Variants in RFX2 observed in about 807,000 individuals in gnomAD.
The protein encoded by RFX2 is regulatory factor X2.
A neutral mutation model predicts 87.8 loss-of-function variants in RFX2; 20 were observed. The observed-to-expected ratio is 0.23, with a 90% CI of 0.16 to 0.33. The LOEUF is 0.33. Among genes scored for constraint, RFX2 ranks in the 10% least tolerant of loss-of-function variants. RFX2 has a pLI of 1.00. For missense variants in RFX2, 767 were observed against 1,012.3 expected (o/e 0.76, Z 3.29); for synonymous variants, 397 against 431.3 (o/e 0.92, Z 0.98).
Position 6,002,624 on chromosome 19 carries a change from A to G in RFX2, c.1650+97T>C, listed in dbSNP as rs2086506950. ...ACAGAACCGTGGCCAGGCTCGGGGC[A>G]GGGGCCAGGTTGTGCCACGGGCTCC... On this transcript the variant is annotated intron_variant, in intron 14 of 17. Transcript: ENST00000303657. This position sits in a 1 kb window ranked among gnomAD's most constrained non-coding sequence, Gnocchi z 6.7. The G allele has an allele frequency of 1.4e-6, 2 of 1,467,712 alleles. No individual in the cohort carries two copies. Among genetic ancestry groups the G allele is most frequent in the South Asian group, 2.5e-5 (2 of 81,202 alleles). 90.9% of individuals were successfully genotyped at this position (1,467,712 alleles called of 1,614,324 possible).
In RFX2 at chr19:5,993,943, G is replaced by A. The variant is rs1315686287; in HGVS notation, c.*892C>T. On this transcript the variant is annotated 3_prime_UTR_variant, in exon 18 of 18. Transcript: ENST00000303657. ...CGGGATGGCTGCTTTCTGAAGTTGTGGCTGTGACACTGACCCTGTTGGACA... is the reference window on the plus strand; with the variant it reads ...CGGGATGGCTGCTTTCTGAAGTTGTAGCTGTGACACTGACCCTGTTGGACA... 6.6e-6 allele frequency: 1 copy of A among 152,264 alleles called. No homozygotes were observed. The highest frequency in any genetic ancestry group is 1.9e-4 in the East Asian group (1 of 5,198). The allele number at this position is 152,264 out of a possible 1,614,324, so 9.4% of individuals were successfully genotyped here. A position where few individuals can be genotyped will look rare whatever the true frequency, so the allele number is the denominator to read the frequency against.
chr19:6,036,431 G>T (rs1266389543), intron 5 of RFX2, among the ~76,000 whole-genome samples: 1 of 152,144 alleles, frequency 6.6e-6, no homozygotes, highest in South Asian at 2.1e-4. Flanking sequence ...GAAGAGAGAG[G>T]ACAGCAAGAT....
chr19:6,016,503 C>T lies in RFX2; in HGVS notation c.598-232G>A, dbSNP rs1288034719. Among the ~76,000 whole-genome samples the T allele has an allele frequency of 6.6e-6, 1 of 152,162 alleles. No homozygotes were observed. Among genetic ancestry groups the T allele is most frequent in the Non-Finnish European group, 1.5e-5 (1 of 68,030 alleles). On this transcript the variant is annotated intron_variant, in intron 6 of 17. Coordinates refer to ENST00000303657, the MANE Select transcript of RFX2 (RefSeq NM_000635.4). This position sits in a 1 kb window ranked among gnomAD's most constrained non-coding sequence, Gnocchi z 5.4. ...TCTCCTGGGTTCAAGCAATTTTCCT[C>T]CCTCAGCCTCCCAGGTAGCTGGGAT... is the stretch of plus-strand genomic sequence containing the variant.
chr19:6,108,244 G>A (rs1158256942), intron 1 of RFX2, among the ~76,000 whole-genome samples: 2 of 152,164 alleles, frequency 1.3e-5, no homozygotes, highest in African/African-American at 2.4e-5. Flanking sequence ...TTTTCCTAGG[G>A]AGGTTACCAT....
rs2086806670 is a variant in RFX2 at position 6,021,204 on chromosome 19, G to A, written c.598-4933C>T. On this transcript the variant is annotated intron_variant, in intron 6 of 17. Coordinates refer to ENST00000303657, the MANE Select transcript of RFX2 (RefSeq NM_000635.4). The surrounding 1 kb of genome is among the most constrained non-coding windows in gnomAD (Gnocchi z 5.7). The stretch of plus-strand genomic sequence containing the variant: ...GGGCAGCTATTCCAACCGTCCAGGT[G>A]TGCCCTGTGTTGACATAATCCGACT... Among the ~76,000 whole-genome samples, 1 of 152,228 alleles carries A rather than the reference G, an allele frequency of 6.6e-6. No individual in the cohort carries two copies. Among genetic ancestry groups the A allele is most frequent in the African/African-American group, 2.4e-5 (1 of 41,452 alleles).
chr19:6,084,769 G>A (rs1377990923), intron 1 of RFX2, among the ~76,000 whole-genome samples: 1 of 151,958 alleles, frequency 6.6e-6, no homozygotes, highest in African/African-American at 2.4e-5. Context: ...CAAGTAGCTG[G>A]GATTACAGGT....
intron 16 of RFX2, 99 bp from the exon 17 acceptor site, chr19:5,995,742 C>G: frequency 9.7e-7 from 1 of 1,034,792 alleles, no homozygotes; most frequent in Non-Finnish European, 1.5e-6. Flanking sequence ...TGAGCCACGT[C>G]CTCCATTCAC....
rs2144779666 is a variant in RFX2 at position 6,047,481 on chromosome 19, C to T, written c.16G>A (p.Gly6Ser). 6.2e-7 allele frequency: 1 copy of T among 1,608,726 alleles called. No homozygotes were observed. Among genetic ancestry groups the T allele is most frequent in the African/African-American group, 1.3e-5 (1 of 74,984 alleles). The change falls in exon 2 of 18, where the codon GGT becomes AGT. Residue 6 changes from glycine to serine, a missense_variant. Transcript: ENST00000303657. The surrounding 1 kb of genome is among the most constrained non-coding windows in gnomAD (Gnocchi z 4.2). MQNSE[G>S]GADSPASVAL... ...ACGGACGCTGGCGAATCCGCTCCAC[C>T]CTCGGAATTCTGCATGCTCAGGTCT...
rs1456641888 is a variant in RFX2, at chr19:5,998,601, C to A, written c.1860-1388G>T. On this transcript the variant is annotated intron_variant, in intron 15 of 17. Coordinates refer to ENST00000303657, the MANE Select transcript of RFX2 (RefSeq NM_000635.4). This position sits in a 1 kb window ranked among gnomAD's most constrained non-coding sequence, Gnocchi z 4.2. ...CAAAGCCCCCAGCCCCCTCCTGTTC[C>A]TCCGGGCCCACCCAGGTTGGCTTCC... Among the ~76,000 whole-genome samples, 1 of 152,226 alleles carries A rather than the reference C, an allele frequency of 6.6e-6. No homozygotes were observed. The highest frequency in any genetic ancestry group is 1.5e-5 in the Non-Finnish European group (1 of 68,044).
At position 6,044,421 on chromosome 19, in the gene RFX2, G is replaced by A; in HGVS notation, c.91-139C>T. The A allele has an allele frequency of 2.0e-6, 1 of 506,550 alleles. No individual in the cohort carries two copies. Among genetic ancestry groups the A allele is most frequent in the Non-Finnish European group, 3.3e-6 (1 of 303,016 alleles). The allele number at this position is 506,550 out of a possible 1,614,324, so 31.4% of individuals were successfully genotyped here. On this transcript the variant is annotated intron_variant, in intron 2 of 17. Coordinates refer to ENST00000303657, the MANE Select transcript of RFX2 (RefSeq NM_000635.4). This position sits in a 1 kb window ranked among gnomAD's most constrained non-coding sequence, Gnocchi z 5.3. ...CAGGACTGATCAGAGGCGACGGCGG[G>A]GTGATGGTCAGACTTGCACACTCAC...
At chr19:6,080,048 C>T (rs2144856249) in intron 1 of RFX2, among the ~76,000 whole-genome samples, 1 of 151,820 alleles carries the variant, frequency 6.6e-6, no homozygotes, top group Non-Finnish European at 1.5e-5. Context: ...TCTGAGGATT[C>T]TGTTTTTTTA....
intron 1 of RFX2, among the ~76,000 whole-genome samples, chr19:6,057,935 C>T (rs2087368538): frequency 6.6e-6 from 1 of 152,194 alleles, no homozygotes; most frequent in Non-Finnish European, 1.5e-5. Flanking sequence ...CCTCACTGTT[C>T]AGGCTTGTGT....
At chr19:6,031,423 C>CTTTTTTTTTTTTTTTTTTTTT (rs58834364) in intron 5 of RFX2, among the ~76,000 whole-genome samples, 2 of 90,186 alleles carry the variant, frequency 2.2e-5, no homozygotes, top group Non-Finnish European at 2.0e-5. Flanking sequence ...TTCTCCTTCC[C>CTTTTTTTTTTTTTTTTTTTTT]TTTTTTTTTT....
Position 5,998,975 on chromosome 19 carries a change from A to G in RFX2, c.1860-1762T>C, listed in dbSNP as rs560173717. On this transcript the variant is annotated intron_variant, in intron 15 of 17. Transcript: ENST00000303657. The surrounding 1 kb of genome is among the most constrained non-coding windows in gnomAD (Gnocchi z 4.2). ...TGCACGTGCATAAGAATGAAGTCAG[A>G]CCAGGCGTGGTGGCTCATGACTGGA... Among the ~76,000 whole-genome samples, 20 of 152,302 alleles carry G rather than the reference A, an allele frequency of 1.3e-4. No homozygotes were observed. The highest frequency in any genetic ancestry group is 1.3e-3 in the Admixed American group (20 of 15,288).
rs1388756875 is a variant in RFX2, at chr19:6,001,769, A to T, written c.1859+46T>A. Reference sequence around the variant, plus strand: ...CCTACCCTCTAGAAGTTTCTCTCAGAGCCCCCCACCCGCCAGAATTCTCTC... The same window carrying T: ...CCTACCCTCTAGAAGTTTCTCTCAGTGCCCCCCACCCGCCAGAATTCTCTC... On this transcript the variant is annotated intron_variant, in intron 15 of 17. Coordinates refer to ENST00000303657, the MANE Select transcript of RFX2 (RefSeq NM_000635.4). This position sits in a 1 kb window ranked among gnomAD's most constrained non-coding sequence, Gnocchi z 5.6. The T allele has an allele frequency of 6.6e-7, 1 of 1,513,036 alleles. No individual in the cohort carries two copies. The highest frequency in any genetic ancestry group is 9.0e-7 in the Non-Finnish European group (1 of 1,115,522). 93.7% of individuals were successfully genotyped at this position (1,513,036 alleles called of 1,614,324 possible). A position where few individuals can be genotyped will look rare whatever the true frequency, so the allele number is the denominator to read the frequency against.
At chr19:6,093,351 A>G (rs1163084842) in intron 1 of RFX2, among the ~76,000 whole-genome samples, 1 of 152,186 alleles carries the variant, frequency 6.6e-6, no homozygotes, top group Non-Finnish European at 1.5e-5. Flanking sequence ...CCTGGCCAAC[A>G]TGGTGAAACC....
chr19:6,066,755 G>A (rs543335944), intron 1 of RFX2, among the ~76,000 whole-genome samples: 1 of 152,254 alleles, frequency 6.6e-6, no homozygotes, highest in African/African-American at 2.4e-5. Context: ...CCTGGAGTCC[G>A]CAGTCTTGGC....
rs2086593522 is a variant in RFX2, at chr19:6,007,115, C to T, written c.1299G>A (p.Leu433=). 6.2e-7 allele frequency: 1 copy of T among 1,614,142 alleles called. No individual in the cohort carries two copies. Among genetic ancestry groups the T allele is most frequent in the Non-Finnish European group, 8.5e-7 (1 of 1,180,016 alleles). The change falls in exon 12 of 18, where the codon CTG becomes CTA. Residue 433 remains leucine, a synonymous_variant. Coordinates refer to ENST00000303657, the MANE Select transcript of RFX2 (RefSeq NM_000635.4). The surrounding 1 kb of genome is among the most constrained non-coding windows in gnomAD (Gnocchi z 8.2). ...ACCTGAGGATGGGGTCGCACTGACA[C>T]AGGGAGATAAGCTTGTCCTTGGGCA... The part of the protein sequence containing the change: ...AVLPKDKLIS[L]CQCDPILRWM...
At chr19:6,018,415 C>T (rs2086759967) in intron 6 of RFX2, among the ~76,000 whole-genome samples, 2 of 152,198 alleles carry the variant, frequency 1.3e-5, no homozygotes, top group African/African-American at 4.8e-5. Flanking sequence ...AGGGGTTGAC[C>T]CAGGGCCACA....
Sources: gnomAD v4.1 joint callset for allele counts (sites outside exome capture counted in the v4.1 genomes callset) on GRCh38, gnomAD v4.1.1 for gene constraint, Gnocchi (gnomAD v3.1) non-coding constraint, MANE v1.5 for transcripts, NCBI Gene and HGNC (gene_info 2026-07-23, HGNC 2026-07-21) for gene names.